Variants in SNX29 observed in about 807,000 individuals in gnomAD.
SNX29 encodes sorting nexin 29.
In SNX29, 78 loss-of-function variants were observed where a neutral mutation model predicts 102.1. The observed-to-expected ratio is 0.76, with a 90% CI of 0.64 to 0.92. SNX29 has a LOEUF of 0.92. SNX29 is among the 40% of genes least tolerant of loss of function. The probability of loss-of-function intolerance (pLI) is 0.00; values close to 1 mark genes in which losing one functional copy is unlikely to be tolerated. For missense variants in SNX29, 1,280 were observed against 1,061.7 expected (o/e 1.21, Z -2.86); for synonymous variants, 580 against 414.5 (o/e 1.40, Z -4.85).
At chr16:12,160,131 G>T (rs146160680) in intron 13 of SNX29, among the ~76,000 whole-genome samples, 15 of 152,336 alleles carry the variant, frequency 9.8e-5, no homozygotes, top group African/African-American at 3.1e-4. Context: ...ATGTTGCCAG[G>T]TGTGGAAATG....
rs139948546 is a variant in SNX29, at chr16:12,292,266, C to T, written c.1782+14230C>T. Among the ~76,000 whole-genome samples the T allele has an allele frequency of 1.3e-4, 20 of 152,246 alleles. No homozygotes were observed. The South Asian group carries it at 2.1e-3, about 16-fold the overall frequency. ...ACCGTAGAGTGAGACAGAGGCAAGA[C>T]GCCTCCATAGTTCCTTTTTTAGCAC... On this transcript the variant is annotated intron_variant, in intron 15 of 20. Coordinates refer to ENST00000566228, the MANE Select transcript of SNX29 (RefSeq NM_032167.5).
intron 20 of SNX29, among the ~76,000 whole-genome samples, chr16:12,554,487 G>C (rs927544155): frequency 6.6e-6 from 1 of 152,142 alleles, no homozygotes; most frequent in African/African-American, 2.4e-5. Context: ...GCATGGAGTG[G>C]TTTCCAAGCT....
At chr16:12,180,714 T>G (rs945583753) in intron 13 of SNX29, among the ~76,000 whole-genome samples, 14 of 152,196 alleles carry the variant, frequency 9.2e-5, no homozygotes, top group African/African-American at 3.4e-4. Flanking sequence ...CTCGATCTCT[T>G]GACCTCATGA....
intron 3 of SNX29, among the ~76,000 whole-genome samples, chr16:12,010,639 C>G (rs374512566): frequency 6.6e-6 from 1 of 152,078 alleles, no homozygotes; most frequent in African/African-American, 2.4e-5. Context: ...AACAAACAAA[C>G]AAACAAGAAA....
At chr16:12,186,277 C>A (rs2076507340) in intron 13 of SNX29, among the ~76,000 whole-genome samples, 1 of 152,032 alleles carries the variant, frequency 6.6e-6, no homozygotes, top group Non-Finnish European at 1.5e-5. Flanking sequence ...TCAAGAATTG[C>A]AGGGACAAAA....
chr16:12,005,670 A>G (rs1003074408), intron 3 of SNX29, among the ~76,000 whole-genome samples: 1 of 152,170 alleles, frequency 6.6e-6, no homozygotes, highest in African/African-American at 2.4e-5. Flanking sequence ...TGTTGGGTTA[A>G]TGTATTCTTA....
chr16:12,153,222 C>T lies in SNX29; in HGVS notation c.1595+23464C>T, dbSNP rs149854137. ...AGGTTGCAGTGAGCTGTGATTGTGC[C>T]ACTGCACTCCAGCCTGGGCAACAGA... On this transcript the variant is annotated intron_variant, in intron 13 of 20. Transcript: ENST00000566228. Among the ~76,000 whole-genome samples, 1,486 of 152,262 alleles carry T rather than the reference C, an allele frequency of 9.8e-3. 18 individuals are homozygous for T. Among genetic ancestry groups the T allele is most frequent in the Non-Finnish European group, 0.014 (958 of 68,016 alleles).
intron 14 of SNX29, among the ~76,000 whole-genome samples, chr16:12,222,423 C>T (rs1446442492): frequency 6.6e-6 from 1 of 152,166 alleles, no homozygotes; most frequent in African/African-American, 2.4e-5. Flanking sequence ...GGAAAAAGAC[C>T]ACTTGATAAA....
intron 20 of SNX29, among the ~76,000 whole-genome samples, chr16:12,553,748 C>T (rs1038541960): frequency 6.6e-6 from 1 of 152,070 alleles, no homozygotes; most frequent in African/African-American, 2.4e-5. Context: ...CCACCACCCC[C>T]AGCCTAGTTT....
intron 14 of SNX29, among the ~76,000 whole-genome samples, chr16:12,261,811 C>A (rs2078777904): frequency 7.5e-6 from 1 of 133,774 alleles, no homozygotes; most frequent in African/African-American, 2.9e-5. Flanking sequence ...TGCACGTGTC[C>A]CCGGCTGGAG....
intron 2 of SNX29, among the ~76,000 whole-genome samples, chr16:12,002,341 G>A (rs1053610093): frequency 1.3e-5 from 2 of 151,888 alleles, no homozygotes; most frequent in Non-Finnish European, 1.5e-5. Flanking sequence ...CCAGCTACTT[G>A]GGTATCTGAG....
intron 13 of SNX29, among the ~76,000 whole-genome samples, chr16:12,179,920 C>G (rs2076344132): frequency 6.6e-6 from 1 of 152,174 alleles, no homozygotes; most frequent in African/African-American, 2.4e-5. Flanking sequence ...CTCTAAACGT[C>G]AGCGATTTTA....
rs139300960 is a variant in SNX29, at chr16:12,204,293, A to G, written c.1678+4610A>G. On this transcript the variant is annotated intron_variant, in intron 14 of 20. Transcript: ENST00000566228. ...TCCCCTGCTCCTGTTATCAAGCTTG[A>G]TTAGTTTTCTATAGCTCATGTGTTC... Among the ~76,000 whole-genome samples, 373 of 152,250 alleles carry G rather than the reference A, an allele frequency of 2.4e-3. 1 individual carries two copies. Among genetic ancestry groups the G allele is most frequent in the Non-Finnish European group, 4.3e-3 (292 of 68,008 alleles).
At chr16:12,387,837 T>C (rs2151455010) in intron 16 of SNX29, among the ~76,000 whole-genome samples, 1 of 152,312 alleles carries the variant, frequency 6.6e-6, no homozygotes, top group East Asian at 1.9e-4. Flanking sequence ...CATGCCTCCA[T>C]GCCTGAAGCA....
intron 13 of SNX29, among the ~76,000 whole-genome samples, chr16:12,189,619 A>T (rs1370330521): frequency 6.6e-6 from 1 of 152,044 alleles, no homozygotes; most frequent in East Asian, 1.9e-4. Flanking sequence ...TTCACTGTGG[A>T]GTTTCCCCTT....
chr16:12,264,521 T>C (rs1383904943), intron 14 of SNX29, among the ~76,000 whole-genome samples: 1 of 152,134 alleles, frequency 6.6e-6, no homozygotes, highest in Non-Finnish European at 1.5e-5. Context: ...GTGGCTCACG[T>C]TTGTAATCCC....
intron 18 of SNX29, among the ~76,000 whole-genome samples, chr16:12,431,802 C>A (rs901566194): frequency 6.6e-6 from 1 of 152,240 alleles, no homozygotes; most frequent in East Asian, 1.9e-4. Context: ...TCGGGTAATG[C>A]TCACGACATA....
chr16:12,316,742 C>G (rs12448984), intron 15 of SNX29, among the ~76,000 whole-genome samples: 2,028 of 152,186 alleles, frequency 0.013, 151 homozygotes, highest in Admixed American at 0.11. Context: ...TCCTTCCTGC[C>G]CCTGGCTTCT....
At chr16:12,230,773 C>T (rs1002838426) in intron 14 of SNX29, among the ~76,000 whole-genome samples, 2 of 152,086 alleles carry the variant, frequency 1.3e-5, no homozygotes, top group African/African-American at 2.4e-5. Context: ...GTTGGAGTTG[C>T]AATTGTGACT....
Sources: allele counts gnomAD v4.1 joint callset (sites outside exome capture counted in the v4.1 genomes callset), GRCh38; gene constraint gnomAD v4.1.1; transcripts MANE v1.5; gene names NCBI Gene and HGNC (gene_info 2026-07-23, HGNC 2026-07-21).